AFF2: variants seen among roughly 807,000 people sequenced by gnomAD.
The protein encoded by AFF2 is AF4/FMR2 family member 2.
In AFF2, 14 loss-of-function variants were observed where a neutral mutation model predicts 76.9. The observed-to-expected ratio is 0.18, with a 90% confidence interval of 0.12 to 0.28. The LOEUF (loss-of-function observed/expected upper bound fraction) is 0.28. AFF2 is among the 10% of genes least tolerant of loss of function. The probability of loss-of-function intolerance (pLI) is 1.00; values close to 1 mark genes in which losing one functional copy is unlikely to be tolerated. For missense variants in AFF2, 868 were observed against 1,001.1 expected, an observed-to-expected ratio of 0.87 and a Z score of 1.79; for synonymous variants, 398 against 366.7, an observed-to-expected ratio of 1.09 and a Z score of -0.98.
intron 3 of AFF2, among the ~76,000 whole-genome samples, chrX:148,786,290 T>C (rs1427908014): frequency 8.9e-6 from 1 of 111,838 alleles, no homozygotes; most frequent in African/African-American, 3.3e-5. Context: ...TTTTCTATAG[T>C]CTGCCTTGTA....
At chrX:148,504,313 G>GA (rs1456231039) in intron 1 of AFF2, among the ~76,000 whole-genome samples, 4 of 110,398 alleles carry the variant, frequency 3.6e-5, no homozygotes, top group African/African-American at 1.3e-4. Context: ...GGAAAGAAAA[G>GA]AAAGAAAATA....
intron 1 of AFF2, among the ~76,000 whole-genome samples, chrX:148,552,719 C>T (rs1425399983): frequency 6.2e-5 from 7 of 112,317 alleles, no homozygotes; most frequent in Admixed American, 1.9e-4. Flanking sequence ...CTTGGCTTGA[C>T]AGCACAGATA....
intron 1 of AFF2, among the ~76,000 whole-genome samples, chrX:148,513,501 C>T (rs1247062452): frequency 2.7e-5 from 3 of 111,381 alleles, no homozygotes; most frequent in Admixed American, 9.6e-5. Flanking sequence ...GAAATCTGTT[C>T]GGCCTACACT....
intron 4 of AFF2, among the ~76,000 whole-genome samples, chrX:148,814,632 G>A (rs1260771548): frequency 4.5e-5 from 5 of 111,607 alleles, no homozygotes; most frequent in Non-Finnish European, 9.4e-5. Context: ...GATCAGGTTG[G>A]TAAACACCTA....
chrX:148,744,522 C>T (rs782791635), intron 3 of AFF2, among the ~76,000 whole-genome samples: 5 of 111,374 alleles, frequency 4.5e-5, no homozygotes, highest in Admixed American at 2.9e-4. Context: ...CAGAGTTTTG[C>T]GCCTTGTTTT....
intron 1 of AFF2, among the ~76,000 whole-genome samples, chrX:148,610,078 T>G (rs1301700920): frequency 2.7e-5 from 3 of 111,789 alleles, no homozygotes; most frequent in African/African-American, 9.8e-5. Flanking sequence ...ATAATAGTGC[T>G]TATCTCATAG....
chrX:148,632,755 A>T (rs1280228718), intron 1 of AFF2, among the ~76,000 whole-genome samples: 1 of 111,835 alleles, frequency 8.9e-6, no homozygotes, highest in Non-Finnish European at 1.9e-5. Context: ...GTAATCATAG[A>T]ATCCCAGAAT....
chrX:148,775,270 T>C (rs2069653692), intron 3 of AFF2, among the ~76,000 whole-genome samples: 1 of 112,003 alleles, frequency 8.9e-6, no homozygotes, highest in Non-Finnish European at 1.9e-5. Context: ...TATCTGAAAA[T>C]AGCTTATAAA....
At chrX:148,505,955 CTGTGTG>C (rs3838386) in intron 1 of AFF2, among the ~76,000 whole-genome samples, 57 of 102,424 alleles carry the variant, frequency 5.6e-4, no homozygotes, top group South Asian at 8.9e-4. Flanking sequence ...GTGTGTGTGT[CTGTGTG>C]TGTGTGTGTG....
intron 3 of AFF2, among the ~76,000 whole-genome samples, chrX:148,750,210 T>C (rs1191702147): frequency 1.8e-5 from 2 of 110,318 alleles, no homozygotes; most frequent in African/African-American, 6.6e-5. Context: ...CCTCAGGTGA[T>C]TTGCCTGCCT....
rs781944292 is a variant in AFF2 at position 148,624,306 on chromosome X, G to C, written c.48-27693G>C. ...CATTCTGTATACACAAAACTATAATGATCTGGGTTAAAATGTGTTTGATTC... is the reference window on the plus strand; with the variant it reads ...CATTCTGTATACACAAAACTATAATCATCTGGGTTAAAATGTGTTTGATTC... On this transcript the variant is annotated intron_variant, in intron 1 of 20. Coordinates refer to ENST00000370460, the MANE Select transcript of AFF2 (RefSeq NM_002025.4). Among the ~76,000 whole-genome samples, 110 of 111,360 alleles carry C rather than the reference G, an allele frequency of 9.9e-4. 1 individual carries two copies. The highest frequency in any genetic ancestry group is 1.8e-3 in the Non-Finnish European group (97 of 53,013).
chrX:148,926,806 AAT>A (rs2071656269), intron 9 of AFF2, among the ~76,000 whole-genome samples: 1 of 112,133 alleles, frequency 8.9e-6, no homozygotes, highest in East Asian at 2.8e-4. Context: ...TCGTCAATAA[AAT>A]GAAAGCTTAT....
chrX:148,612,747 A>G (rs1474632616), intron 1 of AFF2, among the ~76,000 whole-genome samples: 2 of 111,879 alleles, frequency 1.8e-5, no homozygotes, highest in African/African-American at 6.5e-5. Flanking sequence ...AAGATAACCA[A>G]TGTGCAAATA....
chrX:148,567,265 T>C lies in AFF2; in HGVS notation c.47+66121T>C, dbSNP rs1434358113. Among the ~76,000 whole-genome samples, 2 of 111,144 alleles carry C rather than the reference T, an allele frequency of 1.8e-5. 1 individual carries two copies. Among genetic ancestry groups the C allele is most frequent in the Non-Finnish European group, 3.8e-5 (2 of 52,955 alleles). ...TTTCATGACCTAACAGCTCTAGGGGTTTTATGTGATGGAGGGCAATTCTGT... is the reference window on the plus strand; with the variant it reads ...TTTCATGACCTAACAGCTCTAGGGGCTTTATGTGATGGAGGGCAATTCTGT... On this transcript the variant is annotated intron_variant, in intron 1 of 20. Coordinates refer to ENST00000370460, the MANE Select transcript of AFF2 (RefSeq NM_002025.4).
chrX:148,937,223 G>T (rs1316171498), intron 9 of AFF2, among the ~76,000 whole-genome samples: 1 of 111,799 alleles, frequency 8.9e-6, no homozygotes, highest in Non-Finnish European at 1.9e-5. Context: ...GAAGAAAGAA[G>T]AAAAGAAAGG....
chrX:148,783,270 ACT>A (rs2124614098), intron 3 of AFF2, among the ~76,000 whole-genome samples: 1 of 111,651 alleles, frequency 9.0e-6, no homozygotes, highest in African/African-American at 3.2e-5. Flanking sequence ...ATTTTCTCAG[ACT>A]CTGCTTTAAC....
chrX:148,825,590 G>GC (rs1557272910), intron 4 of AFF2, among the ~76,000 whole-genome samples: 1 of 99,743 alleles, frequency 1.0e-5, no homozygotes, highest in Non-Finnish European at 2.0e-5. Flanking sequence ...TAATAGAGTA[G>GC]TTTTTTTTTT....
intron 11 of AFF2, among the ~76,000 whole-genome samples, chrX:148,957,221 T>G (rs1381472829): frequency 8.9e-6 from 1 of 111,807 alleles, no homozygotes; most frequent in Non-Finnish European, 1.9e-5. Flanking sequence ...CTCAGGGTAC[T>G]TTTTTTAGAG....
chrX:148,858,312 G>A (rs2070808958), intron 7 of AFF2, among the ~76,000 whole-genome samples: 2 of 111,200 alleles, frequency 1.8e-5, no homozygotes, highest in African/African-American at 6.5e-5. Flanking sequence ...ATTTTACATG[G>A]GAGATAAAAA....
Sources: allele counts gnomAD v4.1 joint callset (sites outside exome capture counted in the v4.1 genomes callset), GRCh38; gene constraint gnomAD v4.1.1; transcripts MANE v1.5; gene names NCBI Gene and HGNC (gene_info 2026-07-23, HGNC 2026-07-21).